APBA2: variants seen among roughly 807,000 people sequenced by gnomAD.
APBA2 encodes the protein amyloid-beta A4 precursor protein-binding family A member 2.
A neutral mutation model predicts 75.0 loss-of-function variants in APBA2; 30 were observed. The observed-to-expected ratio is 0.40, with a 90% CI of 0.30 to 0.54. The LOEUF is 0.54. Among genes scored for constraint, APBA2 ranks in the 20% least tolerant of loss-of-function variants. The probability of loss-of-function intolerance (pLI) is 0.49; values close to 1 mark genes in which losing one functional copy is unlikely to be tolerated. For missense variants in APBA2, 801 were observed against 1,016.1 expected, an observed-to-expected ratio of 0.79 and a Z score of 2.88; for synonymous variants, 444 against 409.6, an observed-to-expected ratio of 1.08 and a Z score of -1.01.
chr15:28,980,581 T>C (rs1033344985), intron 2 of APBA2, among the ~76,000 whole-genome samples: 8 of 152,158 alleles, frequency 5.3e-5, no homozygotes, highest in Non-Finnish European at 1.2e-4. Flanking sequence ...TCCTCATGGA[T>C]TGAAAGAATC....
intron 14 of APBA2, among the ~76,000 whole-genome samples, chr15:29,116,627 C>T (rs1175924840): frequency 8.6e-6 from 1 of 116,754 alleles, no homozygotes; most frequent in Non-Finnish European, 1.9e-5. Context: ...GACTCCGTCT[C>T]AAAAAAAAAA....
At chr15:28,985,116 A>G (rs1450958518) in intron 2 of APBA2, among the ~76,000 whole-genome samples, 1 of 152,038 alleles carries the variant, frequency 6.6e-6, no homozygotes, top group Non-Finnish European at 1.5e-5. Flanking sequence ...GTTTGGTGAC[A>G]TCACACCCTT....
intron 3 of APBA2, among the ~76,000 whole-genome samples, chr15:29,016,009 A>G (rs550774997): frequency 6.6e-6 from 1 of 152,348 alleles, no homozygotes; most frequent in Admixed American, 6.5e-5. Flanking sequence ...TTGTAATCCC[A>G]GCACTTTGGG....
Position 28,991,050 on chromosome 15 carries a change from G to T in APBA2, c.-94-4703G>T, listed in dbSNP as rs146130077. Among the ~76,000 whole-genome samples, 1 of 152,162 alleles carries T rather than the reference G, an allele frequency of 6.6e-6. No homozygotes were observed. Among genetic ancestry groups the T allele is most frequent in the Non-Finnish European group, 1.5e-5 (1 of 68,038 alleles). The stretch of plus-strand genomic sequence containing the variant: ...CCCAGGAGAAAAATAATACATGCTC[G>T]TGTTTATAAATAAGAGTTATGGCAT... On this transcript the variant is annotated intron_variant, in intron 2 of 14. Transcript: ENST00000683413. The surrounding 1 kb of genome is among the most constrained non-coding windows in gnomAD (Gnocchi z 4.7).
chr15:29,067,828 G>A (rs1339706622), intron 4 of APBA2, among the ~76,000 whole-genome samples: 1 of 152,078 alleles, frequency 6.6e-6, no homozygotes, highest in South Asian at 2.1e-4. Context: ...TGAGTTGTAG[G>A]GCTTTGTTTT....
intron 1 of APBA2, among the ~76,000 whole-genome samples, chr15:28,893,695 A>C (rs1181257926): frequency 6.6e-6 from 1 of 152,060 alleles, no homozygotes; most frequent in Non-Finnish European, 1.5e-5. Flanking sequence ...ATCGTTTTGC[A>C]GGTTGGATGT....
chr15:29,074,688 T>C (rs1035904789), intron 4 of APBA2, among the ~76,000 whole-genome samples: 1 of 152,174 alleles, frequency 6.6e-6, no homozygotes, highest in Non-Finnish European at 1.5e-5. Context: ...TTTACTGCAA[T>C]CAAAAGATAA....
intron 1 of APBA2, among the ~76,000 whole-genome samples, chr15:28,907,353 C>CGATAT (rs1447878131): frequency 6.6e-6 from 1 of 152,108 alleles, no homozygotes; most frequent in Non-Finnish European, 1.5e-5. Context: ...ATTCTTGTGC[C>CGATAT]GATATCTACC....
chr15:28,911,615 A>T (rs2033433210), intron 1 of APBA2, among the ~76,000 whole-genome samples: 1 of 152,238 alleles, frequency 6.6e-6, no homozygotes, highest in Admixed American at 6.5e-5. Context: ...TTTAAATTAA[A>T]TAGATGTTGC....
intron 9 of APBA2, 61 bp from the exon 10 acceptor site, chr15:29,101,538 T>G: frequency 6.4e-7 from 1 of 1,559,096 alleles, no homozygotes; most frequent in East Asian, 2.4e-5. Flanking sequence ...AGCCCTGGAG[T>G]ACTTTTCAAT....
chr15:28,997,714 G>T (rs2038606951), intron 3 of APBA2, among the ~76,000 whole-genome samples: 1 of 152,182 alleles, frequency 6.6e-6, no homozygotes, highest in Non-Finnish European at 1.5e-5. Context: ...TCATAGGGTG[G>T]TTCTATTTAT....
intron 2 of APBA2, among the ~76,000 whole-genome samples, chr15:28,983,104 C>T (rs960806852): frequency 6.6e-6 from 1 of 152,118 alleles, no homozygotes; most frequent in African/African-American, 2.4e-5. Context: ...CTGGTGCAGA[C>T]CCTGGAGAGG....
At chr15:28,985,285 C>G (rs1349638972) in intron 2 of APBA2, among the ~76,000 whole-genome samples, 1 of 152,182 alleles carries the variant, frequency 6.6e-6, no homozygotes, top group African/African-American at 2.4e-5. Flanking sequence ...ACAATGCTTT[C>G]AGATCAGGCT....
At chr15:29,098,883 C>G (rs924650797) in intron 9 of APBA2, among the ~76,000 whole-genome samples, 14 of 152,206 alleles carry the variant, frequency 9.2e-5, no homozygotes, top group Non-Finnish European at 2.9e-5. Context: ...CAGCAGCCCC[C>G]ACTATGTGGC....
chr15:29,064,835 A>G (rs116751101), intron 4 of APBA2, among the ~76,000 whole-genome samples: 2,067 of 152,222 alleles, frequency 0.014, 44 homozygotes, highest in African/African-American at 0.048. Flanking sequence ...GAGATATCTT[A>G]CTGGGGAAGA....
chr15:29,028,946 A>C (rs1265491780), intron 3 of APBA2, among the ~76,000 whole-genome samples: 4 of 150,716 alleles, frequency 2.7e-5, no homozygotes, highest in African/African-American at 7.3e-5. Context: ...ATTTTCTCCC[A>C]CTCTGTGGGT....
intron 3 of APBA2, among the ~76,000 whole-genome samples, chr15:29,033,166 A>G (rs1432917488): frequency 6.6e-6 from 1 of 152,010 alleles, no homozygotes; most frequent in African/African-American, 2.4e-5. Flanking sequence ...GCAGGTGGAG[A>G]AGGTCTGCAC....
intron 2 of APBA2, among the ~76,000 whole-genome samples, chr15:28,975,977 C>G (rs1009817442): frequency 2.0e-5 from 3 of 152,322 alleles, no homozygotes; most frequent in African/African-American, 7.2e-5. Flanking sequence ...TGCCTCCTTC[C>G]TGAATTTACC....
chr15:29,101,643 C>T lies in APBA2; in HGVS notation c.1383C>T (p.Ala461=), dbSNP rs1347706664. ...DHALRTISYI[A]DIGNIVVLMA... is the part of the protein sequence containing the mutation. Reference sequence around the variant, plus strand: ...CCTTGCGTACCATCTCCTACATCGCCGACATTGGGAACATTGTAGTGCTGA... The same window carrying T: ...CCTTGCGTACCATCTCCTACATCGCTGACATTGGGAACATTGTAGTGCTGA... Residue 461 remains alanine (A), a synonymous_variant, in exon 10 of 15, where the codon GCC becomes GCT. Transcript: ENST00000683413. 1.4e-5 allele frequency: 23 copies of T among 1,613,620 alleles called. No homozygotes were observed. The highest frequency in any genetic ancestry group is 1.6e-4 in the Middle Eastern group (1 of 6,084).
Sources: allele counts gnomAD v4.1 joint callset (sites outside exome capture counted in the v4.1 genomes callset), GRCh38; gene constraint gnomAD v4.1.1; non-coding constraint Gnocchi (gnomAD v3.1); transcripts MANE v1.5; gene names NCBI Gene and HGNC (gene_info 2026-07-23, HGNC 2026-07-21).